The following LRFN2 variants were observed in gnomAD, a reference collection of about 807,000 sequenced individuals.
LRFN2 encodes the protein leucine rich repeat and fibronectin type III domain containing 2.
In LRFN2, 18 loss-of-function variants were observed where a neutral mutation model predicts 37.3. The observed-to-expected ratio is 0.48, with a 90% CI of 0.33 to 0.72. The LOEUF (loss-of-function observed/expected upper bound fraction) is 0.72, where lower values mean the gene tolerates loss of function less well. LRFN2 is among the 30% of genes least tolerant of loss of function. LRFN2 has a pLI of 0.02. For synonymous variants in LRFN2, 556 were observed against 466.6 expected (o/e 1.19, Z -2.47); for missense variants, 1,006 against 1,060.7 (o/e 0.95, Z 0.72).
intron 1 of LRFN2, among the ~76,000 whole-genome samples, chr6:40,581,448 C>A (rs898531801): frequency 2.0e-5 from 3 of 152,160 alleles, no homozygotes; most frequent in African/African-American, 4.8e-5. Context: ...TCCGCTGCAC[C>A]CCAGCAAGCA....
chr6:40,465,661 G>A (rs991973323), intron 1 of LRFN2, among the ~76,000 whole-genome samples: 3 of 152,184 alleles, frequency 2.0e-5, no homozygotes, highest in Non-Finnish European at 4.4e-5. Context: ...ATTTGACTCA[G>A]ATCTGATACC....
intron 2 of LRFN2, among the ~76,000 whole-genome samples, chr6:40,428,268 A>G (rs901434001): frequency 6.6e-6 from 1 of 152,178 alleles, no homozygotes; most frequent in Non-Finnish European, 1.5e-5. Flanking sequence ...ATCTATTCTC[A>G]TTGTAACCTC....
chr6:40,474,043 C>G (rs1208886544), intron 1 of LRFN2, among the ~76,000 whole-genome samples: 2 of 152,066 alleles, frequency 1.3e-5, no homozygotes, highest in Non-Finnish European at 2.9e-5. Flanking sequence ...GTCTTAGGGT[C>G]GTTGTTTTTT....
intron 2 of LRFN2, among the ~76,000 whole-genome samples, chr6:40,398,899 C>T (rs1431656247): frequency 6.6e-6 from 1 of 151,880 alleles, no homozygotes; most frequent in African/African-American, 2.4e-5. Context: ...TATGAAATCA[C>T]AGGCACATAC....
In LRFN2 at chr6:40,472,322, G is replaced by A. The variant is rs74337769; in HGVS notation, c.-18-39191C>T. ...GCAGGTGGGGCTTTGAAAAAACCAG[G>A]AGTCTGCAGATTTATTCTCGCAACA... On this transcript the variant is annotated intron_variant, in intron 1 of 2. Coordinates refer to ENST00000338305, the MANE Select transcript of LRFN2 (RefSeq NM_020737.3). Among the ~76,000 whole-genome samples, 844 of 152,306 alleles carry A rather than the reference G, an allele frequency of 5.5e-3. 2 individuals carry two copies. Among genetic ancestry groups the A allele is most frequent in the Non-Finnish European group, 7.5e-3 (512 of 68,028 alleles).
At chr6:40,530,369 G>A (rs868295774) in intron 1 of LRFN2, among the ~76,000 whole-genome samples, 11 of 152,200 alleles carry the variant, frequency 7.2e-5, no homozygotes, top group African/African-American at 2.4e-4. Flanking sequence ...GTTATGGTAA[G>A]CGTGAATGGT....
intron 1 of LRFN2, among the ~76,000 whole-genome samples, chr6:40,511,239 G>C (rs1197024871): frequency 6.6e-6 from 1 of 152,256 alleles, no homozygotes; most frequent in Non-Finnish European, 1.5e-5. Flanking sequence ...AGTTCTACAT[G>C]TGTTAGCTCA....
intron 1 of LRFN2, among the ~76,000 whole-genome samples, chr6:40,498,525 G>A (rs558109230): frequency 6.6e-6 from 1 of 152,294 alleles, no homozygotes; most frequent in Admixed American, 6.5e-5. Flanking sequence ...TACAAAAAAA[G>A]CATGTAGACT....
At chr6:40,420,360 T>C (rs1278954587) in intron 2 of LRFN2, among the ~76,000 whole-genome samples, 2 of 152,234 alleles carry the variant, frequency 1.3e-5, no homozygotes, top group African/African-American at 4.8e-5. Flanking sequence ...ATCACACACA[T>C]TCATGCCAGA....
At chr6:40,414,132 G>A (rs1368023307) in intron 2 of LRFN2, among the ~76,000 whole-genome samples, 1 of 152,204 alleles carries the variant, frequency 6.6e-6, no homozygotes, top group Non-Finnish European at 1.5e-5. Flanking sequence ...CTCCTAGCTG[G>A]GAGGCCTCGG....
chr6:40,416,978 G>A (rs539467665), intron 2 of LRFN2, among the ~76,000 whole-genome samples: 12 of 152,304 alleles, frequency 7.9e-5, no homozygotes, highest in East Asian at 1.9e-4. Flanking sequence ...AAACCTGGGC[G>A]CTCCTGCTTT....
intron 1 of LRFN2, among the ~76,000 whole-genome samples, chr6:40,521,110 GAA>G (rs1766053138): frequency 6.6e-6 from 1 of 152,168 alleles, no homozygotes; most frequent in Non-Finnish European, 1.5e-5. Flanking sequence ...CAGCCGGAAG[GAA>G]AGAGAGAGAG....
At chr6:40,443,260 G>T (rs1411041820) in intron 1 of LRFN2, among the ~76,000 whole-genome samples, 1 of 152,184 alleles carries the variant, frequency 6.6e-6, no homozygotes, top group South Asian at 2.1e-4. Flanking sequence ...GGACTTTTCA[G>T]CTGTGACTAC....
intron 2 of LRFN2, among the ~76,000 whole-genome samples, chr6:40,397,124 G>A (rs1762632891): frequency 6.6e-6 from 1 of 152,132 alleles, no homozygotes; most frequent in South Asian, 2.1e-4. Flanking sequence ...CACGTGAAAT[G>A]GGCACTCTAG....
chr6:40,446,288 G>C (rs564379697), intron 1 of LRFN2, among the ~76,000 whole-genome samples: 2 of 152,318 alleles, frequency 1.3e-5, no homozygotes, highest in East Asian at 1.9e-4. Context: ...GCAGTGGAGA[G>C]ATTTTTTAAT....
At chr6:40,553,365 G>A (rs747831538) in intron 1 of LRFN2, among the ~76,000 whole-genome samples, 8 of 152,144 alleles carry the variant, frequency 5.3e-5, no homozygotes, top group Non-Finnish European at 1.0e-4. Flanking sequence ...TATAACTGGC[G>A]TGTAAGGGCT....
chr6:40,544,945 C>T (rs1108295), intron 1 of LRFN2, among the ~76,000 whole-genome samples: 68,752 of 152,028 alleles, frequency 0.45, 16,578 homozygotes, highest in African/African-American at 0.62. Flanking sequence ...ACAAGTGCTG[C>T]CAATGAGGGG....
intron 1 of LRFN2, among the ~76,000 whole-genome samples, chr6:40,586,540 GC>G (rs1272657932): frequency 1.3e-5 from 2 of 151,764 alleles, no homozygotes; most frequent in Non-Finnish European, 2.9e-5. Flanking sequence ...CCCCCACCTA[GC>G]CCCCAGCAAT....
chr6:40,407,065 C>T (rs766840964), intron 2 of LRFN2, among the ~76,000 whole-genome samples: 1 of 152,166 alleles, frequency 6.6e-6, no homozygotes, highest in Non-Finnish European at 1.5e-5. Flanking sequence ...AATGGAGAGG[C>T]CCTGTGCTTT....
Sources: allele counts gnomAD v4.1 joint callset (sites outside exome capture counted in the v4.1 genomes callset), GRCh38; gene constraint gnomAD v4.1.1; transcripts MANE v1.5; gene names NCBI Gene and HGNC (gene_info 2026-07-23, HGNC 2026-07-21).